Variants in UBOX5 observed in about 807,000 individuals in gnomAD.
UBOX5 encodes U-box domain containing 5.
In UBOX5, 28 loss-of-function variants were observed where a neutral mutation model predicts 39.0. The ratio of observed to expected loss-of-function variants is 0.72; its 90% CI spans 0.53 to 0.98. UBOX5 has a LOEUF of 0.98. Among genes scored for constraint, UBOX5 ranks in the 50% least tolerant of loss-of-function variants. The pLI, the probability that UBOX5 is intolerant of heterozygous loss-of-function variation, is 0.00. For synonymous variants in UBOX5, 283 were observed against 275.5 expected (o/e 1.03, Z -0.27); for missense variants, 585 against 674.4 (o/e 0.87, Z 1.47).
At chr20:3,156,117 C>T (rs1158406058) in intron 1 of UBOX5, among the ~76,000 whole-genome samples, 1 of 151,756 alleles carries the variant, frequency 6.6e-6, no homozygotes, top group Non-Finnish European at 1.5e-5. Flanking sequence ...TCAGAAAATC[C>T]ATAGGAAAGC....
chr20:3,126,316 C>G lies in UBOX5; in HGVS notation c.-41-2910G>C, dbSNP rs190449260. Among the ~76,000 whole-genome samples, 23 of 151,948 alleles carry G rather than the reference C, an allele frequency of 1.5e-4. No homozygotes were observed. In the East Asian group the frequency reaches 4.3e-3, roughly 28 times the overall value. ...AACAGATGCTTGAAGGCAGCATGCTCGTTAAGAGTCATCACCACTCCCTAA... is the reference window on the plus strand; with the variant it reads ...AACAGATGCTTGAAGGCAGCATGCTGGTTAAGAGTCATCACCACTCCCTAA... On this transcript the variant is annotated intron_variant, in intron 1 of 4. Transcript: ENST00000217173.
In UBOX5 at chr20:3,148,130, T is replaced by C. The variant is rs200477217; in HGVS notation, c.-42+11636A>G. 5.0e-5 allele frequency: 81 copies of C among 1,613,960 alleles called. No individual in the cohort carries two copies. In the East Asian group the frequency reaches 8.9e-4, roughly 18 times the overall value. On this transcript the variant is annotated intron_variant, in intron 1 of 4. Coordinates refer to ENST00000217173, the MANE Select transcript of UBOX5 (RefSeq NM_014948.4). The stretch of plus-strand genomic sequence containing the variant: ...ACAGATGGTACCAACCTCCTCCAAA[T>C]TGATCAAATCTATATATTTAAGGAT...
intron 1 of UBOX5, among the ~76,000 whole-genome samples, chr20:3,132,364 A>G (rs2066436185): frequency 6.6e-6 from 1 of 152,140 alleles, no homozygotes; most frequent in Non-Finnish European, 1.5e-5. Flanking sequence ...CAAAGAATGA[A>G]CCTTAAATTA....
At chr20:3,155,670 T>C (rs2066676592) in intron 1 of UBOX5, among the ~76,000 whole-genome samples, 1 of 152,238 alleles carries the variant, frequency 6.6e-6, no homozygotes, top group South Asian at 2.1e-4. Flanking sequence ...GAAGATATTA[T>C]GGTATTGTTC....
rs1332803488 is a variant in UBOX5 at position 3,110,470 on chromosome 20, G to A, written c.1418-156C>T. On this transcript the variant is annotated intron_variant, in intron 4 of 4. Transcript: ENST00000217173. Reference sequence around the variant, plus strand: ...TCTGATCAGGTAGGGGAGTGGAAGCGGGAGAGGGAGCCTGGGAACCCGGGA... The same window carrying A: ...TCTGATCAGGTAGGGGAGTGGAAGCAGGAGAGGGAGCCTGGGAACCCGGGA... 5 of 781,048 alleles carry A rather than the reference G, an allele frequency of 6.4e-6. No homozygotes were observed. In the South Asian group the frequency reaches 7.1e-5, roughly 11 times the overall value. The allele number at this position is 781,048 out of a possible 1,614,324, so 48.4% of individuals were successfully genotyped here.
At chr20:3,128,891 T>C (rs934214689) in intron 1 of UBOX5, among the ~76,000 whole-genome samples, 1 of 152,132 alleles carries the variant, frequency 6.6e-6, no homozygotes, top group Non-Finnish European at 1.5e-5. Flanking sequence ...ATAAGAGTTC[T>C]TCTAGACTTA....
chr20:3,113,769 A>T lies in UBOX5; in HGVS notation c.1417+1536T>A, dbSNP rs574798267. 7.9e-5 allele frequency among the ~76,000 whole-genome samples: 12 copies of T among 152,308 alleles called. No individual in the cohort carries two copies. The South Asian group carries it at 2.5e-3, about 32-fold the overall frequency. On this transcript the variant is annotated intron_variant, in intron 4 of 4. Transcript: ENST00000217173. ...ATGCTGCCCTTACCCAGGTAGGATG[A>T]TGGGGGCAGTGAGGGGGAAAAGCTC... is the stretch of plus-strand genomic sequence containing the variant.
intron 1 of UBOX5, among the ~76,000 whole-genome samples, chr20:3,150,353 C>T (rs1056723196): frequency 2.0e-5 from 3 of 152,140 alleles, no homozygotes; most frequent in Non-Finnish European, 4.4e-5. Flanking sequence ...CGCCAATTGA[C>T]GCAACTGCCC....
chr20:3,133,085 A>C (rs1309977070), intron 1 of UBOX5, among the ~76,000 whole-genome samples: 1 of 152,216 alleles, frequency 6.6e-6, no homozygotes, highest in Non-Finnish European at 1.5e-5. Context: ...TTGTCACAGG[A>C]GAATGGCAGA....
intron 1 of UBOX5, among the ~76,000 whole-genome samples, chr20:3,155,518 G>A (rs367543745): frequency 6.6e-5 from 10 of 151,514 alleles, no homozygotes; most frequent in African/African-American, 2.2e-4. Flanking sequence ...GCAACAGAGC[G>A]AAACTCCATC....
chr20:3,119,785 C>T (rs965079619), intron 3 of UBOX5, among the ~76,000 whole-genome samples: 9 of 151,972 alleles, frequency 5.9e-5, no homozygotes, highest in African/African-American at 1.7e-4. Flanking sequence ...AGCTGCGAGG[C>T]GGAGGCTGCA....
chr20:3,125,905 T>C (rs1274012700), intron 1 of UBOX5, among the ~76,000 whole-genome samples: 1 of 150,650 alleles, frequency 6.6e-6, no homozygotes, highest in South Asian at 2.1e-4. Flanking sequence ...GAGGAGCGCC[T>C]CTGCCCAGCC....
At chr20:3,146,034 A>G (rs1314555079) in intron 1 of UBOX5, among the ~76,000 whole-genome samples, 6 of 147,348 alleles carry the variant, frequency 4.1e-5, no homozygotes, top group African/African-American at 1.5e-4. Context: ...CAACCGAGGG[A>G]GACTCCGTCT....
chr20:3,121,608 C>T lies in UBOX5; in HGVS notation c.1031G>A (p.Gly344Glu). The change falls in exon 3 of 5, where the codon GGG (glycine) becomes GAG (glutamate). Residue 344 changes from glycine (G) to glutamate (E), a missense_variant. Gly to Glu is a moderately conservative substitution (Grantham distance 98). Transcript: ENST00000217173. ...QHSIPGCHLL[G>E]RAQTALAVIP... ...CACTGCCAATGCCGTCTGTGCTCTC[C>T]CAAGCAGGTGGCAGCCAGGGATGGA... The T allele has an allele frequency of 6.2e-7, 1 of 1,606,864 alleles. No homozygotes were observed. The highest frequency in any genetic ancestry group is 1.7e-4 in the Middle Eastern group (1 of 6,056).
chr20:3,147,670 C>T, intron 1 of UBOX5: 2 of 1,614,220 alleles, frequency 1.2e-6, no homozygotes, highest in Middle Eastern at 1.6e-4. Flanking sequence ...GTTCTGGGTA[C>T]TGGTTGAATT....
intron 1 of UBOX5, among the ~76,000 whole-genome samples, chr20:3,141,988 G>A (rs2066520408): frequency 6.6e-6 from 1 of 151,902 alleles, no homozygotes; most frequent in Non-Finnish European, 1.5e-5. Context: ...ACTCCAGCCT[G>A]GGCAACAGAG....
chr20:3,108,759 CTT>C lies in UBOX5; in HGVS notation c.*1345_*1346del, dbSNP rs59791500. On this transcript the variant is annotated 3_prime_UTR_variant, in exon 5 of 5. Transcript: ENST00000217173. ...ACCAGTCTGGACAACATAGCAAGACCTTGTCTCTACAAAAAATAAAAAAATTA... is the reference window on the plus strand; with the variant it reads ...ACCAGTCTGGACAACATAGCAAGACCGTCTCTACAAAAAATAAAAAAATTA... 0.12 allele frequency: 17,652 copies of C among 151,970 alleles called. 2,019 individuals carry two copies. The highest frequency in any genetic ancestry group is 0.4 in the East Asian group (2,047 of 5,138). 9.4% of individuals were successfully genotyped at this position (151,970 alleles called of 1,614,324 possible).
At chr20:3,157,629 C>T (rs1157286213) in intron 1 of UBOX5, among the ~76,000 whole-genome samples, 4 of 152,156 alleles carry the variant, frequency 2.6e-5, no homozygotes, top group Non-Finnish European at 5.9e-5. Flanking sequence ...CTTTAGAAAA[C>T]CTCTCCATAT....
chr20:3,156,173 CTTTTTTTT>C (rs761149925), intron 1 of UBOX5, among the ~76,000 whole-genome samples: 2 of 130,136 alleles, frequency 1.5e-5, no homozygotes, highest in Non-Finnish European at 3.3e-5. Context: ...ACTTCTGACT[CTTTTTTTT>C]TTTTTTTTTT....
Sources: gnomAD v4.1 joint callset for allele counts (sites outside exome capture counted in the v4.1 genomes callset) on GRCh38, gnomAD v4.1.1 for gene constraint, MANE v1.5 for transcripts, NCBI Gene and HGNC (gene_info 2026-07-23, HGNC 2026-07-21) for gene names.